Variants in SDK2 observed in about 807,000 individuals in gnomAD.
The protein encoded by SDK2 is protein sidekick-2.
SDK2 carries 105 observed loss-of-function variants against 253.9 expected under a neutral mutation model. The ratio of observed to expected loss-of-function variants is 0.41; its 90% CI spans 0.35 to 0.49. The LOEUF (loss-of-function observed/expected upper bound fraction) is 0.49, where lower values mean the gene tolerates loss of function less well. SDK2 is among the 20% of genes least tolerant of loss of function. The pLI, the probability that SDK2 is intolerant of heterozygous loss-of-function variation, is 0.06. For missense variants in SDK2, 2,608 were observed against 3,003.0 expected, an observed-to-expected ratio of 0.87 and a Z score of 3.07; for synonymous variants, 1,249 against 1,234.9, an observed-to-expected ratio of 1.01 and a Z score of -0.24.
At chr17:73,446,482 C>T (rs1250938595) in intron 5 of SDK2, among the ~76,000 whole-genome samples, 2 of 152,150 alleles carry the variant, frequency 1.3e-5, no homozygotes, top group Non-Finnish European at 2.9e-5. Context: ...GGAAGGAGAT[C>T]CCTGGGATAA....
chr17:73,500,687 AT>A (rs1460314168), intron 2 of SDK2, among the ~76,000 whole-genome samples: 7 of 96,960 alleles, frequency 7.2e-5, no homozygotes, highest in East Asian at 3.1e-4. Context: ...TCCTCCCTCC[AT>A]TCTCCTCCAT....
chr17:73,510,748 C>G lies in SDK2; in HGVS notation c.65-3151G>C, dbSNP rs542122006. 1.8e-4 allele frequency among the ~76,000 whole-genome samples: 27 copies of G among 152,296 alleles called. No homozygotes were observed. In the Middle Eastern group the frequency reaches 0.01, roughly 58 times the overall value. ...ACCTCAAATGATCTGCCTGCCTCAG[C>G]CTCCCAAACTGCTGGGATTAGACGC... On this transcript the variant is annotated intron_variant, in intron 1 of 44. Coordinates refer to ENST00000392650, the MANE Select transcript of SDK2 (RefSeq NM_001144952.2).
intron 6 of SDK2, among the ~76,000 whole-genome samples, chr17:73,439,109 A>C (rs1271777527): frequency 6.6e-6 from 1 of 152,062 alleles, no homozygotes; most frequent in Non-Finnish European, 1.5e-5. Context: ...CTGTTAGTTC[A>C]TGTGAGGGCT....
In SDK2 at chr17:73,361,259, G is replaced by A. The variant is rs1020765070; in HGVS notation, c.5467+425C>T. ...TTTAGTGCGCCCTGCTCTGAGAACCGCTGCCTGGAGGGTAGGGGTGGTTCA... is the reference window on the plus strand; with the variant it reads ...TTTAGTGCGCCCTGCTCTGAGAACCACTGCCTGGAGGGTAGGGGTGGTTCA... On this transcript the variant is annotated intron_variant, in intron 39 of 44. Transcript: ENST00000392650. The surrounding 1 kb of genome is among the most constrained non-coding windows in gnomAD (Gnocchi z 4.1). 6.6e-6 allele frequency among the ~76,000 whole-genome samples: 1 copy of A among 152,180 alleles called. No homozygotes were observed. Among genetic ancestry groups the A allele is most frequent in the Non-Finnish European group, 1.5e-5 (1 of 68,032 alleles).
At chr17:73,487,413 G>C (rs2063776456) in intron 2 of SDK2, among the ~76,000 whole-genome samples, 1 of 152,220 alleles carries the variant, frequency 6.6e-6, no homozygotes, top group African/African-American at 2.4e-5. Context: ...ACTGGCAAGA[G>C]GGAGGCTGAG....
At chr17:73,524,782 T>A (rs112741949) in intron 1 of SDK2, among the ~76,000 whole-genome samples, 3 of 152,344 alleles carry the variant, frequency 2.0e-5, no homozygotes, top group African/African-American at 7.2e-5. Context: ...GGGATTGGAA[T>A]GCCAAGCTGT....
intron 44 of SDK2, among the ~76,000 whole-genome samples, 161 bp from the exon 45 acceptor site, chr17:73,339,101 G>A (rs1336164901): frequency 6.6e-6 from 1 of 152,328 alleles, no homozygotes; most frequent in Non-Finnish European, 1.5e-5. Flanking sequence ...AGGGGGTCTG[G>A]TGCCCGTTTG....
rs145986450 is a variant in SDK2, at chr17:73,366,570, C to T, written c.5168-1175G>A. Among the ~76,000 whole-genome samples, 43 of 152,262 alleles carry T rather than the reference C, an allele frequency of 2.8e-4. No individual in the cohort carries two copies. The East Asian group carries it at 6.4e-3, about 23-fold the overall frequency. On this transcript the variant is annotated intron_variant, in intron 37 of 44. Transcript: ENST00000392650. ...GTTGAACAAGATGCTCAAGGGAGGC[C>T]GGGGCAAAAGGCCAGTATTCCAGTC... is the stretch of plus-strand genomic sequence containing the variant.
At chr17:73,572,255 G>A (rs1319891878) in intron 1 of SDK2, among the ~76,000 whole-genome samples, 3 of 152,140 alleles carry the variant, frequency 2.0e-5, no homozygotes, top group Non-Finnish European at 2.9e-5. Flanking sequence ...TCCACAGCCT[G>A]TCTGTTTTGC....
chr17:73,426,978 G>A (rs962818168), intron 12 of SDK2, among the ~76,000 whole-genome samples: 8 of 152,074 alleles, frequency 5.3e-5, no homozygotes, highest in Admixed American at 4.6e-4. Context: ...CCAGCTACTC[G>A]GGAGGCTGAG....
chr17:73,642,145 C>T lies in SDK2; in HGVS notation c.64+1880G>A, dbSNP rs1468724051. 6.6e-6 allele frequency among the ~76,000 whole-genome samples: 1 copy of T among 152,178 alleles called. No individual in the cohort carries two copies. Reference sequence around the variant, plus strand: ...ACAGGGGGCCACCTGGCCTTAACTTCAGCAGGAGGGGTGGGATCTTGGCCT... The same window carrying T: ...ACAGGGGGCCACCTGGCCTTAACTTTAGCAGGAGGGGTGGGATCTTGGCCT... On this transcript the variant is annotated intron_variant, in intron 1 of 44. Coordinates refer to ENST00000392650, the MANE Select transcript of SDK2 (RefSeq NM_001144952.2). This position sits in a 1 kb window ranked among gnomAD's most constrained non-coding sequence, Gnocchi z 4.7.
intron 14 of SDK2, 67 bp from the exon 15 acceptor site, chr17:73,422,501 C>G: frequency 6.4e-7 from 1 of 1,552,564 alleles, no homozygotes; most frequent in Non-Finnish European, 8.9e-7. Context: ...TCTTACTCCC[C>G]ACTCCCAGCA....
At chr17:73,601,264 C>T (rs1215515726) in intron 1 of SDK2, among the ~76,000 whole-genome samples, 1 of 152,078 alleles carries the variant, frequency 6.6e-6, no homozygotes, top group African/African-American at 2.4e-5. Flanking sequence ...AGGTGATCCA[C>T]CCGCCTCGGC....
rs778494400 is a variant in SDK2, at chr17:73,511,607, TC to T, written c.65-4011del. On this transcript the variant is annotated intron_variant, in intron 1 of 44. Coordinates refer to ENST00000392650, the MANE Select transcript of SDK2 (RefSeq NM_001144952.2). This position sits in a 1 kb window ranked among gnomAD's most constrained non-coding sequence, Gnocchi z 4.9. ...GGGTACCAGGCCCTGGGCTGGGGGC[TC>T]CACATCCCTCGCCTCCTGTGGTCCT... 6.6e-6 allele frequency among the ~76,000 whole-genome samples: 1 copy of T among 152,044 alleles called. No individual in the cohort carries two copies. Among genetic ancestry groups the T allele is most frequent in the Non-Finnish European group, 1.5e-5 (1 of 67,976 alleles).
chr17:73,454,077 A>T (rs1377785406), intron 4 of SDK2, among the ~76,000 whole-genome samples: 2 of 152,244 alleles, frequency 1.3e-5, no homozygotes, highest in African/African-American at 4.8e-5. Context: ...CATGCTGTAC[A>T]GGTTTATAGC....
chr17:73,337,057 G>GTGTA lies in SDK2; in HGVS notation c.*1529_*1530insTACA. The GTGTA allele has an allele frequency of 6.8e-6, 1 of 147,636 alleles. No homozygotes were observed. Among genetic ancestry groups the GTGTA allele is most frequent in the African/African-American group, 2.6e-5 (1 of 38,272 alleles). 9.1% of individuals were successfully genotyped at this position (147,636 alleles called of 1,614,324 possible). A position where few individuals can be genotyped will look rare whatever the true frequency, so the allele number is the denominator to read the frequency against. On this transcript the variant is annotated 3_prime_UTR_variant, in exon 45 of 45. Transcript: ENST00000392650. ...TGGAGCAGATTGTGTATGTGTATGT[G>GTGTA]TGTGTGTGTGTGTGTGTGTGTGTGT...
intron 41 of SDK2, 84 bp from the exon 42 acceptor site, chr17:73,350,874 T>A: frequency 7.1e-7 from 1 of 1,417,332 alleles, no homozygotes; most frequent in Non-Finnish European, 9.5e-7. Flanking sequence ...CCCTACTAAC[T>A]GCTACAATCT....
At chr17:73,503,434 T>C (rs1311188888) in intron 2 of SDK2, among the ~76,000 whole-genome samples, 3 of 152,190 alleles carry the variant, frequency 2.0e-5, no homozygotes, top group Non-Finnish European at 4.4e-5. Context: ...AATCCTTGAA[T>C]AGTTCAGCAG....
In SDK2 at chr17:73,422,357, G is replaced by A. The variant is rs371718789; in HGVS notation, c.1975C>T (p.Arg659Cys). The A allele has an allele frequency of 2.2e-5, 35 of 1,613,876 alleles. No homozygotes were observed. The highest frequency in any genetic ancestry group is 3.3e-5 in the South Asian group (3 of 91,084). The change falls in exon 15 of 45, where the codon CGC (arginine) becomes TGC (cysteine). Residue 659 changes from arginine to cysteine, a missense_variant. Arg to Cys is a radical substitution (Grantham distance 180). Around this residue, in one of 2 missense-constraint regions of SDK2, gnomAD observed 1,505 missense variants for 1,859.1 expected, o/e 0.81. Transcript: ENST00000392650. ...GCACAAAGACGGAACTGGTAGGAGCGTGCAGGAACCAGGCCCTTGACTGTC... is the reference window on the plus strand; with the variant it reads ...GCACAAAGACGGAACTGGTAGGAGCATGCAGGAACCAGGCCCTTGACTGTC... ...SVTVKGLVPA[R>C]SYQFRLCAVN...
Sources: gnomAD v4.1 joint callset for allele counts (sites outside exome capture counted in the v4.1 genomes callset) on GRCh38, gnomAD v4.1.1 for gene constraint, gnomAD v4.1.1 regional missense constraint, Gnocchi (gnomAD v3.1) non-coding constraint, MANE v1.5 for transcripts, NCBI Gene and HGNC (gene_info 2026-07-23, HGNC 2026-07-21) for gene names.